Variants in ROBO2 observed in about 807,000 individuals in gnomAD.
The protein encoded by ROBO2 is roundabout guidance receptor 2.
A neutral mutation model predicts 160.8 loss-of-function variants in ROBO2; 53 were observed. That is an observed-to-expected ratio of 0.33 (90% CI 0.26 to 0.41). The LOEUF (loss-of-function observed/expected upper bound fraction) is 0.41, where lower values mean the gene tolerates loss of function less well. Ranked by LOEUF, ROBO2 falls within the 10% of genes least tolerant of loss-of-function variation. ROBO2 has a pLI of 1.00. For missense variants in ROBO2, 1,577 were observed against 1,722.4 expected (o/e 0.92, Z 1.49); for synonymous variants, 664 against 611.7 (o/e 1.09, Z -1.26).
At chr3:76,546,315 C>G (rs924467930) in intron 2 of ROBO2, among the ~76,000 whole-genome samples, 1 of 151,822 alleles carries the variant, frequency 6.6e-6, no homozygotes, top group Admixed American at 6.6e-5. Context: ...CAAAGCAAAT[C>G]AAATTCTTCC....
chr3:76,715,132 C>G (rs2093358902), intron 2 of ROBO2, among the ~76,000 whole-genome samples: 1 of 152,076 alleles, frequency 6.6e-6, no homozygotes, highest in Non-Finnish European at 1.5e-5. Context: ...AGAAAGAGGT[C>G]TTTTTCCTCT....
chr3:77,395,405 G>C (rs919791726), intron 2 of ROBO2, among the ~76,000 whole-genome samples: 3 of 152,150 alleles, frequency 2.0e-5, no homozygotes, highest in Non-Finnish European at 4.4e-5. Context: ...GGAGGGAGTA[G>C]AAGGAGATTT....
At chr3:76,069,760 C>G (rs993107075) in intron 2 of ROBO2, among the ~76,000 whole-genome samples, 1 of 152,084 alleles carries the variant, frequency 6.6e-6, no homozygotes, top group Admixed American at 6.6e-5. Flanking sequence ...AAGGGAAAGT[C>G]TAAGCTAAAC....
intron 2 of ROBO2, among the ~76,000 whole-genome samples, chr3:77,220,167 C>T (rs377218176): frequency 9.2e-5 from 14 of 152,096 alleles, no homozygotes; most frequent in Non-Finnish European, 1.2e-4. Context: ...CGTGCCACCA[C>T]GCCTGGCTAA....
At chr3:76,030,780 T>C (rs1004658373) in intron 2 of ROBO2, among the ~76,000 whole-genome samples, 2 of 152,202 alleles carry the variant, frequency 1.3e-5, no homozygotes, top group Admixed American at 6.5e-5. Context: ...CCTTATAGTA[T>C]AGTTTGAAGT....
intron 2 of ROBO2, among the ~76,000 whole-genome samples, chr3:77,413,636 G>T (rs2076977642): frequency 6.6e-6 from 1 of 152,158 alleles, no homozygotes; most frequent in Non-Finnish European, 1.5e-5. Context: ...TAACCAGGTG[G>T]AATCAGCGGA....
At chr3:76,652,500 C>G (rs989234942) in intron 2 of ROBO2, among the ~76,000 whole-genome samples, 2 of 152,014 alleles carry the variant, frequency 1.3e-5, no homozygotes, top group Non-Finnish European at 2.9e-5. Context: ...TTGTGCTATA[C>G]TCTGTACCTT....
chr3:76,969,792 T>C (rs566304381), intron 2 of ROBO2, among the ~76,000 whole-genome samples: 2 of 152,188 alleles, frequency 1.3e-5, no homozygotes, highest in African/African-American at 2.4e-5. Context: ...AAACCAATCA[T>C]ATCAGAAGAG....
chr3:76,935,626 T>A (rs911742678), intron 2 of ROBO2, among the ~76,000 whole-genome samples: 1 of 152,146 alleles, frequency 6.6e-6, no homozygotes, highest in African/African-American at 2.4e-5. Context: ...GGCTGAGAAG[T>A]CCAAGATCAA....
intron 2 of ROBO2, among the ~76,000 whole-genome samples, chr3:76,856,057 C>T (rs1451131580): frequency 1.3e-5 from 2 of 152,146 alleles, no homozygotes; most frequent in Non-Finnish European, 2.9e-5. Context: ...TCTCTGTTGG[C>T]TGTTGGCACA....
At chr3:77,315,645 A>G (rs2063915359) in intron 2 of ROBO2, among the ~76,000 whole-genome samples, 1 of 152,224 alleles carries the variant, frequency 6.6e-6, no homozygotes, top group Non-Finnish European at 1.5e-5. Flanking sequence ...CTGTATACAA[A>G]TTATAAATAT....
chr3:76,543,692 T>C (rs1159906241), intron 2 of ROBO2, among the ~76,000 whole-genome samples: 1 of 152,108 alleles, frequency 6.6e-6, no homozygotes, highest in African/African-American at 2.4e-5. Context: ...AGAATGCTTC[T>C]ATTCTCAAAG....
chr3:76,296,035 C>T (rs1165866818), intron 2 of ROBO2, among the ~76,000 whole-genome samples: 1 of 152,126 alleles, frequency 6.6e-6, no homozygotes, highest in African/African-American at 2.4e-5. Context: ...GTCCATAGAA[C>T]CTGTGAATAC....
At chr3:76,075,670 A>G (rs1167486055) in intron 2 of ROBO2, among the ~76,000 whole-genome samples, 1 of 152,216 alleles carries the variant, frequency 6.6e-6, no homozygotes, top group African/African-American at 2.4e-5. Context: ...GTAGACAAAC[A>G]AATGAGCATC....
intron 2 of ROBO2, among the ~76,000 whole-genome samples, chr3:76,838,635 G>T (rs572244152): frequency 3.6e-4 from 55 of 152,070 alleles, no homozygotes; most frequent in African/African-American, 1.3e-3. Context: ...TGATTATTGG[G>T]CCTAGCAACA....
At chr3:76,243,556 A>C (rs1313804414) in intron 2 of ROBO2, among the ~76,000 whole-genome samples, 1 of 152,226 alleles carries the variant, frequency 6.6e-6, no homozygotes, top group Non-Finnish European at 1.5e-5. Flanking sequence ...ACCCACTCTT[A>C]GAGCTTTAAG....
chr3:76,237,610 A>T (rs1221021228), intron 2 of ROBO2, among the ~76,000 whole-genome samples: 2 of 152,192 alleles, frequency 1.3e-5, no homozygotes, highest in Non-Finnish European at 2.9e-5. Context: ...AAATAAATAA[A>T]TACCTACTGA....
rs115019519 is a variant in ROBO2, at chr3:76,177,262, T to C, written c.109+239660T>C. 3.1e-3 allele frequency among the ~76,000 whole-genome samples: 472 copies of C among 152,280 alleles called. 2 individuals are homozygous for C. The highest frequency in any genetic ancestry group is 4.9e-3 in the Non-Finnish European group (336 of 68,014). Reference sequence around the variant, plus strand: ...GAAGGAGATGGTATCTTAAATTGGGTATAATAAACATTTAAATTTGATTGT... The same window carrying C: ...GAAGGAGATGGTATCTTAAATTGGGCATAATAAACATTTAAATTTGATTGT... On this transcript the variant is annotated intron_variant, in intron 2 of 26. Transcript: ENST00000487694.
chr3:76,392,568 T>C (rs2077208353), intron 2 of ROBO2, among the ~76,000 whole-genome samples: 1 of 152,220 alleles, frequency 6.6e-6, no homozygotes, highest in Admixed American at 6.5e-5. Flanking sequence ...AAATGTTCGC[T>C]TTCATTGTGC....
Sources: allele counts gnomAD v4.1 joint callset (sites outside exome capture counted in the v4.1 genomes callset), GRCh38; gene constraint gnomAD v4.1.1; transcripts MANE v1.5; gene names NCBI Gene and HGNC (gene_info 2026-07-23, HGNC 2026-07-21).